Variants in BACH2 observed in about 807,000 individuals in gnomAD.
BACH2 encodes transcription regulator protein BACH2.
In BACH2, 5 loss-of-function variants were observed where a neutral mutation model predicts 61.8. The ratio of observed to expected loss-of-function variants is 0.08; its 90% CI spans 0.04 to 0.17. BACH2 has a LOEUF of 0.17. Ranked by LOEUF, BACH2 falls within the 10% of genes least tolerant of loss-of-function variation. BACH2 has a pLI of 1.00. For synonymous variants in BACH2, 446 were observed against 440.1 expected, an observed-to-expected ratio of 1.01 and a Z score of -0.17; for missense variants, 824 against 1,091.1, an observed-to-expected ratio of 0.76 and a Z score of 3.45.
At chr6:90,177,989 AGGTACCC>A (rs879930898) in intron 4 of BACH2, among the ~76,000 whole-genome samples, 13 of 152,202 alleles carry the variant, frequency 8.5e-5, no homozygotes, top group Admixed American at 6.5e-4. Flanking sequence ...AGCACAGAGC[AGGTACCC>A]GGACTTTCCC....
chr6:90,261,978 T>G (rs1483455620), intron 2 of BACH2, among the ~76,000 whole-genome samples: 4 of 152,170 alleles, frequency 2.6e-5, no homozygotes, highest in Admixed American at 2.0e-4. Context: ...TTGGATTCCA[T>G]TCCTACTTAT....
At position 89,953,392 on chromosome 6, in the gene BACH2, T is replaced by C. The variant is rs182454461; in HGVS notation, c.244-1530A>G. The stretch of plus-strand genomic sequence containing the variant: ...GACATGTAACTGAACGGGATTTTAA[T>C]TGTTAATCTTTTTAAAGTACTCAAG... On this transcript the variant is annotated intron_variant, in intron 6 of 8. Coordinates refer to ENST00000257749, the MANE Select transcript of BACH2 (RefSeq NM_021813.4). 1.3e-3 allele frequency among the ~76,000 whole-genome samples: 199 copies of C among 152,344 alleles called. 1 individual carries two copies. The highest frequency in any genetic ancestry group is 4.5e-3 in the African/African-American group (189 of 41,580).
Position 89,927,391 on chromosome 6 carries a change from CCT to C in BACH2, c.*5015_*5016del, listed in dbSNP as rs772518169. ...CTGAGCATCCATCTGTAGGAAAACC[CCT>C]CTTTGTCCAAGTCCCTTCACTCTTT... On this transcript the variant is annotated 3_prime_UTR_variant, in exon 9 of 9. Coordinates refer to ENST00000257749, the MANE Select transcript of BACH2 (RefSeq NM_021813.4). 13 of 152,912 alleles carry C rather than the reference CCT, an allele frequency of 8.5e-5. No homozygotes were observed. Among genetic ancestry groups the C allele is most frequent in the African/African-American group, 2.2e-4 (9 of 41,570 alleles). The allele number at this position is 152,912 out of a possible 1,614,324, so 9.5% of individuals were successfully genotyped here.
chr6:89,959,778 C>A (rs898801074), intron 6 of BACH2, among the ~76,000 whole-genome samples: 1 of 152,196 alleles, frequency 6.6e-6, no homozygotes, highest in Non-Finnish European at 1.5e-5. Flanking sequence ...CTCTCGGACT[C>A]ACATCCACTT....
chr6:89,950,661 T>C lies in BACH2; in HGVS notation c.1445A>G (p.His482Arg). The change falls in exon 7 of 9, where the codon CAC (histidine) becomes CGC (arginine). Residue 482 changes from histidine (H) to arginine (R), a missense_variant. His to Arg is a conservative substitution (Grantham distance 29). Transcript: ENST00000257749. This position sits in a 1 kb window ranked among gnomAD's most constrained non-coding sequence, Gnocchi z 5.3. Reference protein sequence around the residue: ...QSLPSSQAYSHGGLMADHLPG... With the variant: ...QSLPSSQAYSRGGLMADHLPG... ...CAAGTGGTCGGCCATCAGCCCACCG[T>C]GGGAGTAGGCCTGCGAGCTGGGGAG... is the stretch of plus-strand genomic sequence containing the variant. The C allele has an allele frequency of 6.2e-7, 1 of 1,614,066 alleles. No homozygotes were observed. The highest frequency in any genetic ancestry group is 1.3e-5 in the African/African-American group (1 of 75,016).
At chr6:90,269,177 G>A (rs929062971) in intron 2 of BACH2, among the ~76,000 whole-genome samples, 3 of 152,098 alleles carry the variant, frequency 2.0e-5, no homozygotes, top group African/African-American at 7.2e-5. Context: ...GGGTTAGGTG[G>A]GGCTAAGGTC....
At chr6:90,097,719 A>G (rs1357322488) in intron 4 of BACH2, among the ~76,000 whole-genome samples, 1 of 152,234 alleles carries the variant, frequency 6.6e-6, no homozygotes, top group Non-Finnish European at 1.5e-5. Context: ...TATACGGTTC[A>G]GTGGCACCAA....
chr6:90,088,987 C>T lies in BACH2; in HGVS notation c.-39G>A, dbSNP rs924846330. On this transcript the variant is annotated 5_prime_UTR_variant, in exon 5 of 9. Transcript: ENST00000257749. The stretch of plus-strand genomic sequence containing the variant: ...TGTAATTTTTCCAGGTCCTGTGCTG[C>T]CTTCGAGTCTTAGGATGCAGGGAAC... The T allele has an allele frequency of 6.6e-6, 1 of 152,272 alleles. No individual in the cohort carries two copies. Among genetic ancestry groups the T allele is most frequent in the Non-Finnish European group, 1.5e-5 (1 of 68,026 alleles). The allele number at this position is 152,272 out of a possible 1,614,324, so 9.4% of individuals were successfully genotyped here. A position where few individuals can be genotyped will look rare whatever the true frequency, so the allele number is the denominator to read the frequency against.
chr6:89,981,762 G>A (rs78512080), intron 6 of BACH2, among the ~76,000 whole-genome samples: 2,682 of 152,264 alleles, frequency 0.018, 63 homozygotes, highest in African/African-American at 0.056. Context: ...TTGACACACA[G>A]GCAAAGCTTT....
chr6:90,162,062 T>C (rs966093834), intron 4 of BACH2, among the ~76,000 whole-genome samples: 1 of 152,084 alleles, frequency 6.6e-6, no homozygotes, highest in African/African-American at 2.4e-5. Flanking sequence ...CCAGAGAATG[T>C]CTTCAGACTC....
chr6:90,249,312 A>C (rs757511984), intron 3 of BACH2, among the ~76,000 whole-genome samples: 8 of 152,146 alleles, frequency 5.3e-5, no homozygotes, highest in Admixed American at 3.3e-4. Context: ...CTGGCAGATG[A>C]TGTAGCTTCC....
rs558759138 is a variant in BACH2 at position 90,165,016 on chromosome 6, C to A, written c.-162+41553G>T. ...TGAGAACAGTCACAAGACAGGGATG[C>A]CCTGTCTCACCACTCTTATTCAACA... On this transcript the variant is annotated intron_variant, in intron 4 of 8. Transcript: ENST00000257749. Among the ~76,000 whole-genome samples, 35 of 152,312 alleles carry A rather than the reference C, an allele frequency of 2.3e-4. No individual in the cohort carries two copies. In the East Asian group the frequency reaches 6.8e-3, roughly 29 times the overall value.
chr6:89,932,979 G>T, intron 8 of BACH2, 89 bp from the exon 9 acceptor site: 10 of 1,374,164 alleles, frequency 7.3e-6, no homozygotes, highest in Non-Finnish European at 9.9e-6. Flanking sequence ...CCTTTGTTTT[G>T]CATCCTCCAT....
intron 4 of BACH2, among the ~76,000 whole-genome samples, chr6:90,203,529 G>C (rs1459886760): frequency 6.6e-6 from 1 of 152,096 alleles, no homozygotes. Flanking sequence ...GTCTGCATGA[G>C]GGTTTGGGAG....
chr6:90,264,120 C>T (rs1434539956), intron 2 of BACH2, among the ~76,000 whole-genome samples: 4 of 152,272 alleles, frequency 2.6e-5, no homozygotes, highest in South Asian at 2.1e-4. Context: ...AATTACCTCC[C>T]TATATTTCTT....
chr6:90,003,121 G>A (rs1777221454), intron 6 of BACH2, among the ~76,000 whole-genome samples: 1 of 151,906 alleles, frequency 6.6e-6, no homozygotes, highest in African/African-American at 2.4e-5. Context: ...TTATTTTCAC[G>A]TGGCACTCAA....
chr6:90,026,994 A>T (rs1350243073), intron 5 of BACH2, among the ~76,000 whole-genome samples: 1 of 152,196 alleles, frequency 6.6e-6, no homozygotes, highest in Non-Finnish European at 1.5e-5. Context: ...CTTGAGGGTC[A>T]TTCAGGTAGT....
At chr6:90,022,440 T>A (rs749907560) in intron 5 of BACH2, among the ~76,000 whole-genome samples, 15 of 152,120 alleles carry the variant, frequency 9.9e-5, no homozygotes, top group Non-Finnish European at 1.9e-4. Flanking sequence ...AAAAATTAGC[T>A]GGGTATATTA....
intron 5 of BACH2, among the ~76,000 whole-genome samples, chr6:90,029,617 T>C (rs75497382): frequency 4.6e-5 from 7 of 152,214 alleles, no homozygotes; most frequent in East Asian, 3.8e-4. Flanking sequence ...TTGCTCACCA[T>C]TGAAGCCGCA....
Sources: allele counts gnomAD v4.1 joint callset (sites outside exome capture counted in the v4.1 genomes callset), GRCh38; gene constraint gnomAD v4.1.1; non-coding constraint Gnocchi (gnomAD v3.1); transcripts MANE v1.5; gene names NCBI Gene and HGNC (gene_info 2026-07-23, HGNC 2026-07-21).